Variants in CD48 observed in about 807,000 individuals in gnomAD.
CD48 encodes CD48 molecule, also known as CD48 antigen.
Under a neutral mutation model 22.0 loss-of-function variants are expected in CD48, and 20 were observed. That is an observed-to-expected ratio of 0.91 (90% CI 0.64 to 1.32). The LOEUF (loss-of-function observed/expected upper bound fraction) is 1.32, where lower values mean the gene tolerates loss of function less well. CD48 is among the 40% of genes most tolerant of loss of function. The pLI, the probability that CD48 is intolerant of heterozygous loss-of-function variation, is 0.00. For synonymous variants in CD48, 110 were observed against 110.1 expected (o/e 1.00, Z 0.01); for missense variants, 307 against 286.5 (o/e 1.07, Z -0.52).
At chr1:160,683,489 A>G (rs1661881199) in intron 2 of CD48, 1 of 150,880 alleles carries the variant, frequency 6.6e-6, no homozygotes, top group African/African-American at 2.4e-5. Flanking sequence ...CACAGAAATT[A>G]CAAAGTTGGT....
At chr1:160,689,328 G>A (rs1048774289) in intron 1 of CD48, among the ~76,000 whole-genome samples, 15 of 151,266 alleles carry the variant, frequency 9.9e-5, no homozygotes, top group Admixed American at 5.9e-4. Flanking sequence ...ATTTCTGCAG[G>A]AGCATCTATC....
At chr1:160,699,974 A>G (rs1662574849) in intron 1 of CD48, among the ~76,000 whole-genome samples, 1 of 152,054 alleles carries the variant, frequency 6.6e-6, no homozygotes, top group East Asian at 1.9e-4. Context: ...GTTCCACCTT[A>G]TGAGAAACAC....
intron 1 of CD48, among the ~76,000 whole-genome samples, chr1:160,707,317 A>C (rs1353941531): frequency 1.3e-5 from 2 of 152,210 alleles, no homozygotes; most frequent in Non-Finnish European, 2.9e-5. Context: ...GTCATGAAAA[A>C]GTAGAGAGTA....
intron 2 of CD48, 176 bp downstream of exon 2, chr1:160,684,711 T>G (rs1250391756): frequency 1.3e-6 from 2 of 1,519,624 alleles, no homozygotes; most frequent in African/African-American, 1.4e-5. Context: ...AATTTGGATA[T>G]CTGTTGACCT....
intron 1 of CD48, among the ~76,000 whole-genome samples, chr1:160,691,155 T>C (rs1662200209): frequency 6.6e-6 from 1 of 152,126 alleles, no homozygotes; most frequent in Non-Finnish European, 1.5e-5. Flanking sequence ...GTCTGAAATA[T>C]GGCCTCGTGG....
At chr1:160,708,081 T>G (rs1035276503) in intron 1 of CD48, among the ~76,000 whole-genome samples, 1 of 152,116 alleles carries the variant, frequency 6.6e-6, no homozygotes. Flanking sequence ...CACTTGAATT[T>G]GGGGGTTGAG....
chr1:160,680,492 A>G, intron 3 of CD48: 1 of 752,308 alleles, frequency 1.3e-6, no homozygotes, highest in Non-Finnish European at 1.6e-6. Context: ...TTGTTTAGCT[A>G]GTAAGTGACA....
chr1:160,684,798 G>C (rs771679237), intron 2 of CD48, 89 bp downstream of exon 2: 18 of 1,613,718 alleles, frequency 1.1e-5, no homozygotes, highest in Non-Finnish European at 1.5e-5. Flanking sequence ...CCTCCTCCCC[G>C]AGAGTGCCCC....
chr1:160,688,037 G>A (rs1432555285), intron 1 of CD48, among the ~76,000 whole-genome samples: 4 of 152,174 alleles, frequency 2.6e-5, no homozygotes, highest in Non-Finnish European at 5.9e-5. Flanking sequence ...CACTGCATTT[G>A]CATGTGATGT....
At chr1:160,680,854 C>G (rs1018209990) in intron 3 of CD48, 7 of 1,328,026 alleles carry the variant, frequency 5.3e-6, no homozygotes, top group East Asian at 5.8e-5. Flanking sequence ...GCCCACTTGC[C>G]CTTCCTTCTC....
intron 1 of CD48, among the ~76,000 whole-genome samples, chr1:160,688,019 TCCAA>T (rs1040731135): frequency 1.3e-5 from 2 of 152,252 alleles, no homozygotes; most frequent in Non-Finnish European, 2.9e-5. Context: ...TCTGAAGTAT[TCCAA>T]TCGCACTGCA....
At chr1:160,681,067 TC>T (rs1212866193) in intron 3 of CD48, 134 bp downstream of exon 3, 24 of 1,525,888 alleles carry the variant, frequency 1.6e-5, no homozygotes, top group Non-Finnish European at 2.0e-5. Context: ...AACCCACGTC[TC>T]CCAGCTCTCC....
intron 1 of CD48, 55 bp downstream of exon 1, chr1:160,711,627 C>T: frequency 7.3e-7 from 1 of 1,360,592 alleles, no homozygotes; most frequent in Non-Finnish European, 1.1e-6. Context: ...CTCCCCTTTC[C>T]CAACTGACCA....
chr1:160,686,420 A>G (rs1156631435), intron 1 of CD48, among the ~76,000 whole-genome samples: 1 of 152,182 alleles, frequency 6.6e-6, no homozygotes, highest in African/African-American at 2.4e-5. Flanking sequence ...GAAAATGGAG[A>G]AAATACTAAG....
rs1661944572 is a variant in CD48, at chr1:160,684,994, G to A, written c.278C>T (p.Ala93Val). The change falls in exon 2 of 4, where the codon GCA (alanine) becomes GTA (valine). Residue 93 changes from alanine (A) to valine (V), a missense_variant. Ala to Val is a moderately conservative substitution (Grantham distance 64). Coordinates refer to ENST00000368046, the MANE Select transcript of CD48 (RefSeq NM_001778.4). ...GRVRLDPQSG[A>V]LYISKVQKED... is the part of the protein sequence containing the mutation. ...TTTCTGGACCTTAGAGATGTACAGTGCGCCACTCTGAGGATCAAGTCTGAC... is the reference window on the plus strand; with the variant it reads ...TTTCTGGACCTTAGAGATGTACAGTACGCCACTCTGAGGATCAAGTCTGAC... 6.2e-7 allele frequency: 1 copy of A among 1,614,148 alleles called. No homozygotes were observed. Among genetic ancestry groups the A allele is most frequent in the Non-Finnish European group, 8.5e-7 (1 of 1,179,996 alleles).
rs1329685603 is a variant in CD48, at chr1:160,680,465, T to C, written c.652+737A>G. Reference sequence around the variant, plus strand: ...TCCTTTATTTAGGAAGAACATGACTTGGGGAAGCTAAGTAACTTGTTTAGC... The same window carrying C: ...TCCTTTATTTAGGAAGAACATGACTCGGGGAAGCTAAGTAACTTGTTTAGC... On this transcript the variant is annotated intron_variant, in intron 3 of 3. Transcript: ENST00000368046. 1.3e-5 allele frequency: 6 copies of C among 475,312 alleles called. No individual in the cohort carries two copies. In the Admixed American group the frequency reaches 3.8e-4, roughly 30 times the overall value. The allele number at this position is 475,312 out of a possible 1,614,324, so 29.4% of individuals were successfully genotyped here.
At chr1:160,704,469 C>G (rs1662734030) in intron 1 of CD48, among the ~76,000 whole-genome samples, 1 of 152,190 alleles carries the variant, frequency 6.6e-6, no homozygotes, top group Admixed American at 6.5e-5. Flanking sequence ...GAAGAAATGG[C>G]ATCCAGGAAT....
rs1488818232 is a variant in CD48, at chr1:160,678,795, A to G, written c.*257T>C. 1 of 339,500 alleles carries G rather than the reference A, an allele frequency of 2.9e-6. No individual in the cohort carries two copies. The highest frequency in any genetic ancestry group is 5.3e-6 in the Non-Finnish European group (1 of 187,318). The allele number at this position is 339,500 out of a possible 1,614,324, so 21.0% of individuals were successfully genotyped here. On this transcript the variant is annotated 3_prime_UTR_variant, in exon 4 of 4. Coordinates refer to ENST00000368046, the MANE Select transcript of CD48 (RefSeq NM_001778.4). ...AATGTTTATTTTAAAAAATAATAAAACATTCACATAATGTTGTCACAATTT... is the reference window on the plus strand; with the variant it reads ...AATGTTTATTTTAAAAAATAATAAAGCATTCACATAATGTTGTCACAATTT...
At chr1:160,683,166 G>T (rs1443119106) in intron 2 of CD48, among the ~76,000 whole-genome samples, 1 of 152,158 alleles carries the variant, frequency 6.6e-6, no homozygotes, top group East Asian at 1.9e-4. Flanking sequence ...CATTTCCTGT[G>T]TTCTAGCCTC....
Sources: gnomAD v4.1 joint callset for allele counts (sites outside exome capture counted in the v4.1 genomes callset) on GRCh38, gnomAD v4.1.1 for gene constraint, MANE v1.5 for transcripts, NCBI Gene and HGNC (gene_info 2026-07-23, HGNC 2026-07-21) for gene names.